The following SMTNL2 variants were observed in gnomAD, a reference collection of about 807,000 sequenced individuals.
The protein encoded by SMTNL2 is smoothelin like 2.
In SMTNL2, 43 loss-of-function variants were observed where a neutral mutation model predicts 44.1. That is an observed-to-expected ratio of 0.98 (90% CI 0.76 to 1.26). The LOEUF is 1.26. Ranked by LOEUF, SMTNL2 falls within the 50% of genes most tolerant of loss-of-function variation. The pLI, the probability that SMTNL2 is intolerant of heterozygous loss-of-function variation, is 0.00. For synonymous variants in SMTNL2, 317 were observed against 287.6 expected (o/e 1.10, Z -1.03); for missense variants, 646 against 670.2 (o/e 0.96, Z 0.40).
intron 3 of SMTNL2, among the ~76,000 whole-genome samples, chr17:4,593,492 C>T (rs1460749189): frequency 3.3e-5 from 5 of 152,364 alleles, no homozygotes; most frequent in East Asian, 1.9e-4. Flanking sequence ...GCCAGTCCTC[C>T]GTGGTATGTC....
At chr17:4,601,325 G>A (rs1439297110) in intron 7 of SMTNL2, among the ~76,000 whole-genome samples, 4 of 152,096 alleles carry the variant, frequency 2.6e-5, no homozygotes, top group Non-Finnish European at 5.9e-5. Flanking sequence ...TGAAGTGGGA[G>A]GATCGTTTGA....
intron 5 of SMTNL2, 129 bp from the exon 6 acceptor site, chr17:4,596,731 C>A: frequency 1.3e-6 from 1 of 758,700 alleles, no homozygotes; most frequent in South Asian, 2.3e-5. Context: ...ACCAGCATCT[C>A]CCCTGGGTGA....
In SMTNL2 at chr17:4,592,180, G is replaced by A. The variant is rs535097071; in HGVS notation, c.400-181G>A. Among the ~76,000 whole-genome samples the A allele has an allele frequency of 7.9e-5, 12 of 152,340 alleles. No individual in the cohort carries two copies. The highest frequency in any genetic ancestry group is 2.0e-4 in the Admixed American group (3 of 15,306). On this transcript the variant is annotated intron_variant, in intron 1 of 7. Transcript: ENST00000389313. This position sits in a 1 kb window ranked among gnomAD's most constrained non-coding sequence, Gnocchi z 4.5. ...CAGGATCGCAGGGGCTCAGCAGTTG[G>A]AGTGGGGCCATCCCAGCTTTTGCTG...
chr17:4,584,960 C>T lies in SMTNL2; in HGVS notation c.355C>T (p.Arg119Cys). The change falls in exon 1 of 8, where the codon CGC becomes TGC. Residue 119 changes from arginine to cysteine, a missense_variant. Arg to Cys is a radical substitution (Grantham distance 180). Coordinates refer to ENST00000389313, the MANE Select transcript of SMTNL2 (RefSeq NM_001114974.2). ...CCGCGCGCCCCGCCTGGGCAGCGCACGCTTCGCCAGCCACGCCACCTTCTC... is the reference window on the plus strand; with the variant it reads ...CCGCGCGCCCCGCCTGGGCAGCGCATGCTTCGCCAGCCACGCCACCTTCTC... ...PDRAPRLGSARFASHATFSLS... is the reference protein window; with the variant it reads ...PDRAPRLGSACFASHATFSLS... 1 of 1,370,488 alleles carries T rather than the reference C, an allele frequency of 7.3e-7. No individual in the cohort carries two copies. The highest frequency in any genetic ancestry group is 9.4e-7 in the Non-Finnish European group (1 of 1,063,764). The allele number at this position is 1,370,488 out of a possible 1,614,324, so 84.9% of individuals were successfully genotyped here. A position where few individuals can be genotyped will look rare whatever the true frequency, so the allele number is the denominator to read the frequency against.
chr17:4,594,618 G>T (rs560197423), intron 4 of SMTNL2, among the ~76,000 whole-genome samples: 1 of 152,204 alleles, frequency 6.6e-6, no homozygotes, highest in Admixed American at 6.5e-5. Flanking sequence ...GCGAGCAGGG[G>T]CAGGTGAGCA....
Position 4,593,888 on chromosome 17 carries a change from A to G in SMTNL2, c.797A>G (p.His266Arg). 1 of 1,614,034 alleles carries G rather than the reference A, an allele frequency of 6.2e-7. No individual in the cohort carries two copies. The highest frequency in any genetic ancestry group is 1.1e-5 in the South Asian group (1 of 91,086). ...SGYGAVTASK[H>R]SNSPPLVTPP... The stretch of plus-strand genomic sequence containing the variant: ...TATGGGGCAGTGACAGCAAGCAAAC[A>G]CAGCAATAGGTGAGTCAGGGCCTGT... Residue 266 changes from histidine (H) to arginine (R), a missense_variant, in exon 4 of 8, where the codon CAC becomes CGC. By Grantham distance (29) the His-to-Arg change is conservative (BLOSUM62 0). Transcript: ENST00000389313.
intron 7 of SMTNL2, among the ~76,000 whole-genome samples, chr17:4,605,160 T>TG (rs1910219272): frequency 7.5e-6 from 1 of 132,886 alleles, no homozygotes; most frequent in Non-Finnish European, 1.6e-5. Flanking sequence ...TTGGTTTTTT[T>TG]TTTTTTTTTT....
At chr17:4,589,829 C>A (rs922942222) in intron 1 of SMTNL2, among the ~76,000 whole-genome samples, 6 of 151,946 alleles carry the variant, frequency 3.9e-5, no homozygotes, top group Non-Finnish European at 8.8e-5. Context: ...TCCCCCGCCC[C>A]ACGCTTCTGA....
At chr17:4,601,107 T>A (rs1910010021) in intron 7 of SMTNL2, among the ~76,000 whole-genome samples, 1 of 152,180 alleles carries the variant, frequency 6.6e-6, no homozygotes, top group African/African-American at 2.4e-5. Flanking sequence ...AAAGACACTT[T>A]AAAAATGGTC....
chr17:4,584,911 C>T lies in SMTNL2; in HGVS notation c.306C>T (p.Pro102=). 7.7e-7 allele frequency: 1 copy of T among 1,292,230 alleles called. No individual in the cohort carries two copies. The highest frequency in any genetic ancestry group is 9.8e-7 in the Non-Finnish European group (1 of 1,025,386). The allele number at this position is 1,292,230 out of a possible 1,614,324, so 80.0% of individuals were successfully genotyped here. The part of the protein sequence containing the change: ...PVPGTPGTPS[P]PPAPGVPDRA... ...CCGGCACTCCCGGCACGCCCAGCCC[C>T]CCGCCCGCGCCCGGGGTTCCCGACC... Residue 102 remains proline, a synonymous_variant, in exon 1 of 8, where the codon CCC becomes CCT. Coordinates refer to ENST00000389313, the MANE Select transcript of SMTNL2 (RefSeq NM_001114974.2).
At chr17:4,599,400 C>A (rs149543953) in intron 7 of SMTNL2, among the ~76,000 whole-genome samples, 1 of 152,118 alleles carries the variant, frequency 6.6e-6, no homozygotes, top group Non-Finnish European at 1.5e-5. Context: ...GAAGCCCAGA[C>A]GTGGCAACCG....
rs1555547781 is a variant in SMTNL2, at chr17:4,607,743, T to TTA, written c.*257_*258insAT. ...AAAAATTATGAGAGAGAGAGAGACATTGGTGCTAAGTAATGATCTTCCTAA... is the reference window on the plus strand; with the variant it reads ...AAAAATTATGAGAGAGAGAGAGACATTATGGTGCTAAGTAATGATCTTCCTAA... On this transcript the variant is annotated 3_prime_UTR_variant, in exon 8 of 8. Transcript: ENST00000389313. This position sits in a 1 kb window ranked among gnomAD's most constrained non-coding sequence, Gnocchi z 4.7. 4.9e-6 allele frequency: 2 copies of TTA among 407,080 alleles called. No individual in the cohort carries two copies. Among genetic ancestry groups the TTA allele is most frequent in the Non-Finnish European group, 8.7e-6 (2 of 228,966 alleles). The allele number at this position is 407,080 out of a possible 1,614,324, so 25.2% of individuals were successfully genotyped here.
At chr17:4,596,277 T>C (rs971776658) in intron 5 of SMTNL2, among the ~76,000 whole-genome samples, 1 of 152,108 alleles carries the variant, frequency 6.6e-6, no homozygotes, top group African/African-American at 2.4e-5. Flanking sequence ...CCAGGCCTTG[T>C]GGGATAATGA....
chr17:4,600,247 A>G lies in SMTNL2; in HGVS notation c.1259+2924A>G, dbSNP rs943969389. On this transcript the variant is annotated intron_variant, in intron 7 of 7. Coordinates refer to ENST00000389313, the MANE Select transcript of SMTNL2 (RefSeq NM_001114974.2). The surrounding 1 kb of genome is among the most constrained non-coding windows in gnomAD (Gnocchi z 4.7). ...AGAGCTGGCAGGAAAGCGCAGGGAC[A>G]CCTGCCTGAGGGTACTAGCTGTCAG... 6.6e-6 allele frequency among the ~76,000 whole-genome samples: 1 copy of G among 152,164 alleles called. No individual in the cohort carries two copies. The highest frequency in any genetic ancestry group is 6.5e-5 in the Admixed American group (1 of 15,276).
Position 4,607,653 on chromosome 17 carries a change from AT to A in SMTNL2, c.*168del. The stretch of plus-strand genomic sequence containing the variant: ...CCCTTCGAGCCCAGCTGTGTTACTG[AT>A]TAAAAGTACTGCTGAGCTGTGGTCC... On this transcript the variant is annotated 3_prime_UTR_variant, in exon 8 of 8. Transcript: ENST00000389313. The surrounding 1 kb of genome is among the most constrained non-coding windows in gnomAD (Gnocchi z 4.7). 8.8e-7 allele frequency: 1 copy of A among 1,142,724 alleles called. No homozygotes were observed. 70.8% of individuals were successfully genotyped at this position (1,142,724 alleles called of 1,614,324 possible). A position where few individuals can be genotyped will look rare whatever the true frequency, so the allele number is the denominator to read the frequency against.
Position 4,598,328 on chromosome 17 carries a change from C to G in SMTNL2, c.1259+1005C>G, listed in dbSNP as rs1909900869. ...CTGGCCCCCAGGGCAGGGAGCAGGG[C>G]ACAGATGAGTGGTGTTCGGGGCTGC... On this transcript the variant is annotated intron_variant, in intron 7 of 7. Transcript: ENST00000389313. The surrounding 1 kb of genome is among the most constrained non-coding windows in gnomAD (Gnocchi z 4.8). Among the ~76,000 whole-genome samples, 1 of 152,162 alleles carries G rather than the reference C, an allele frequency of 6.6e-6. No homozygotes were observed. Among genetic ancestry groups the G allele is most frequent in the Non-Finnish European group, 1.5e-5 (1 of 68,022 alleles).
intron 1 of SMTNL2, among the ~76,000 whole-genome samples, chr17:4,585,639 ACGTGG>A (rs1217216607): frequency 6.6e-6 from 1 of 152,220 alleles, no homozygotes; most frequent in Admixed American, 6.5e-5. Context: ...GGCCCACACC[ACGTGG>A]GGATAGGGCG....
intron 1 of SMTNL2, among the ~76,000 whole-genome samples, chr17:4,589,253 T>C (rs941232740): frequency 2.6e-5 from 4 of 152,128 alleles, no homozygotes; most frequent in Non-Finnish European, 4.4e-5. Context: ...CACCCACCTA[T>C]AGAGAAACAT....
intron 6 of SMTNL2, 96 bp from the exon 7 acceptor site, chr17:4,597,076 T>A: frequency 6.6e-7 from 1 of 1,519,512 alleles, no homozygotes; most frequent in Non-Finnish European, 8.8e-7. Flanking sequence ...AGGAGCCCGC[T>A]GAGGCTGGGG....
Sources: gnomAD v4.1 joint callset for allele counts (sites outside exome capture counted in the v4.1 genomes callset) on GRCh38, gnomAD v4.1.1 for gene constraint, Gnocchi (gnomAD v3.1) non-coding constraint, MANE v1.5 for transcripts, NCBI Gene and HGNC (gene_info 2026-07-23, HGNC 2026-07-21) for gene names.